AUTS2: variants seen among roughly 807,000 people sequenced by gnomAD.
The protein encoded by AUTS2 is autism susceptibility gene 2 protein.
In AUTS2, 17 loss-of-function variants were observed where a neutral mutation model predicts 112.4. The observed-to-expected ratio is 0.15, with a 90% confidence interval of 0.10 to 0.23. AUTS2 has a LOEUF of 0.23. Ranked by LOEUF, AUTS2 falls within the 10% of genes least tolerant of loss-of-function variation. The probability of loss-of-function intolerance (pLI) is 1.00; values close to 1 mark genes in which losing one functional copy is unlikely to be tolerated. For missense variants in AUTS2, 1,510 were observed against 1,701.6 expected, an observed-to-expected ratio of 0.89 and a Z score of 1.98; for synonymous variants, 751 against 702.7, an observed-to-expected ratio of 1.07 and a Z score of -1.09.
intron 1 of AUTS2, among the ~76,000 whole-genome samples, chr7:69,806,975 A>AT (rs151106097): frequency 5.3e-5 from 8 of 151,346 alleles, no homozygotes; most frequent in African/African-American, 1.5e-4. Context: ...CTGAGTGTAA[A>AT]TTTTTTTTTA....
In AUTS2 at chr7:69,741,424, G is replaced by C. The variant is rs570262672; in HGVS notation, c.309+141462G>C. Among the ~76,000 whole-genome samples, 221 of 152,244 alleles carry C rather than the reference G, an allele frequency of 1.5e-3. 1 individual carries two copies. The highest frequency in any genetic ancestry group is 4.5e-3 in the African/African-American group (186 of 41,548). ...ACTTTTAAGTCTAAAGTTAATCCAG[G>C]ACAGGTGCGGTGGCTCACACCCATA... On this transcript the variant is annotated intron_variant, in intron 1 of 18. Transcript: ENST00000342771.
intron 2 of AUTS2, among the ~76,000 whole-genome samples, chr7:70,085,859 C>T (rs1803571157): frequency 6.6e-6 from 1 of 152,070 alleles, no homozygotes; most frequent in Non-Finnish European, 1.5e-5. Flanking sequence ...CCAAGAAAAG[C>T]TCACAGCCTG....
At chr7:69,718,897 A>C (rs1031370696) in intron 1 of AUTS2, among the ~76,000 whole-genome samples, 2 of 152,180 alleles carry the variant, frequency 1.3e-5, no homozygotes, top group African/African-American at 4.8e-5. Context: ...GTGGTTTATC[A>C]CTGCTTAAAG....
intron 2 of AUTS2, among the ~76,000 whole-genome samples, chr7:69,970,010 C>T (rs1383376392): frequency 2.0e-5 from 3 of 152,134 alleles, no homozygotes; most frequent in Non-Finnish European, 4.4e-5. Context: ...ATACTGTTCA[C>T]TTGTGATCAC....
intron 5 of AUTS2, among the ~76,000 whole-genome samples, chr7:70,696,068 A>G (rs1233188146): frequency 6.6e-6 from 1 of 152,220 alleles, no homozygotes; most frequent in Non-Finnish European, 1.5e-5. Context: ...ATAGAAGGAA[A>G]TGCAGACTAT....
intron 2 of AUTS2, among the ~76,000 whole-genome samples, chr7:69,988,600 G>A (rs1798610366): frequency 6.6e-6 from 1 of 152,020 alleles, no homozygotes; most frequent in South Asian, 2.1e-4. Context: ...GTGGTATGTA[G>A]AACTCTGTCT....
intron 1 of AUTS2, among the ~76,000 whole-genome samples, chr7:69,823,055 T>C (rs904539528): frequency 2.0e-4 from 31 of 152,204 alleles, no homozygotes; most frequent in Admixed American, 2.0e-4. Context: ...CTTATTTGCA[T>C]TTTTGTCTCC....
intron 5 of AUTS2, among the ~76,000 whole-genome samples, chr7:70,683,861 A>G (rs1455141875): frequency 1.3e-5 from 2 of 152,224 alleles, no homozygotes; most frequent in African/African-American, 2.4e-5. Context: ...TGGAATGGCC[A>G]TAGTAGGGTT....
At chr7:69,720,035 A>T (rs769403560) in intron 1 of AUTS2, among the ~76,000 whole-genome samples, 5 of 152,224 alleles carry the variant, frequency 3.3e-5, no homozygotes, top group Non-Finnish European at 5.9e-5. Flanking sequence ...ATTGATGATG[A>T]GACAGTGTGA....
chr7:70,624,459 C>G (rs911384609), intron 5 of AUTS2, among the ~76,000 whole-genome samples: 1 of 152,074 alleles, frequency 6.6e-6, no homozygotes, highest in African/African-American at 2.4e-5. Flanking sequence ...TAATTTAATT[C>G]TCCTTAAATT....
intron 5 of AUTS2, among the ~76,000 whole-genome samples, chr7:70,459,566 T>C (rs1284266020): frequency 6.6e-6 from 1 of 152,220 alleles, no homozygotes; most frequent in African/African-American, 2.4e-5. Context: ...GACATTCTTA[T>C]CAGTTTTCTC....
At chr7:70,357,070 C>G (rs1410920562) in intron 4 of AUTS2, among the ~76,000 whole-genome samples, 1 of 152,138 alleles carries the variant, frequency 6.6e-6, no homozygotes, top group Non-Finnish European at 1.5e-5. Context: ...CTGGGTAGAA[C>G]AGAGGGGATC....
At chr7:69,833,988 T>C (rs1460437917) in intron 1 of AUTS2, among the ~76,000 whole-genome samples, 1 of 152,210 alleles carries the variant, frequency 6.6e-6, no homozygotes, top group African/African-American at 2.4e-5. Context: ...ATATACAATT[T>C]TGAAAAATTT....
intron 2 of AUTS2, among the ~76,000 whole-genome samples, chr7:70,053,129 TAA>T (rs1429348536): frequency 1.3e-5 from 2 of 152,184 alleles, no homozygotes; most frequent in Non-Finnish European, 2.9e-5. Context: ...TAATATAAAA[TAA>T]GAGAAATTAC....
At chr7:69,866,768 G>C (rs1474034414) in intron 1 of AUTS2, among the ~76,000 whole-genome samples, 1 of 152,168 alleles carries the variant, frequency 6.6e-6, no homozygotes, top group Non-Finnish European at 1.5e-5. Context: ...ACTAGAATGT[G>C]AGAACTGAGA....
chr7:69,617,663 AC>A (rs950880065), intron 1 of AUTS2, among the ~76,000 whole-genome samples: 6 of 152,200 alleles, frequency 3.9e-5, no homozygotes, highest in African/African-American at 1.2e-4. Context: ...CCCCAAGGTC[AC>A]CCAGCTGATG....
intron 1 of AUTS2, among the ~76,000 whole-genome samples, chr7:69,821,734 A>G (rs562123821): frequency 1.3e-5 from 2 of 152,052 alleles, no homozygotes; most frequent in East Asian, 3.9e-4. Flanking sequence ...TTGACGTCCA[A>G]GGCTTCATTC....
chr7:70,366,312 A>G (rs77183365), intron 4 of AUTS2, among the ~76,000 whole-genome samples: 4,486 of 152,260 alleles, frequency 0.029, 266 homozygotes, highest in African/African-American at 0.1. Flanking sequence ...AACACAAAGA[A>G]GGACGTAGCT....
chr7:69,727,018 A>T (rs1786549917), intron 1 of AUTS2, among the ~76,000 whole-genome samples: 2 of 152,122 alleles, frequency 1.3e-5, no homozygotes, highest in Admixed American at 1.3e-4. Context: ...TTTAATTTTG[A>T]TGAAGTATAG....
Sources: allele counts gnomAD v4.1 joint callset (sites outside exome capture counted in the v4.1 genomes callset), GRCh38; gene constraint gnomAD v4.1.1; transcripts MANE v1.5; gene names NCBI Gene and HGNC (gene_info 2026-07-23, HGNC 2026-07-21).